Variants in ANO3 observed in about 807,000 individuals in gnomAD.
The protein encoded by ANO3 is anoctamin 3, also known as anoctamin-3.
ANO3 carries 99 observed loss-of-function variants against 144.8 expected under a neutral mutation model. The ratio of observed to expected loss-of-function variants is 0.68; its 90% CI spans 0.58 to 0.81. The LOEUF is 0.81. Among genes scored for constraint, ANO3 ranks in the 30% least tolerant of loss-of-function variants. ANO3 has a pLI of 0.00. For synonymous variants in ANO3, 414 were observed against 392.6 expected, an observed-to-expected ratio of 1.05 and a Z score of -0.64; for missense variants, 905 against 1,202.2, an observed-to-expected ratio of 0.75 and a Z score of 3.66.
intron 1 of ANO3, among the ~76,000 whole-genome samples, chr11:26,347,335 T>C (rs1285568734): frequency 6.6e-6 from 1 of 152,242 alleles, no homozygotes; most frequent in Non-Finnish European, 1.5e-5. Context: ...TTAACGTTTC[T>C]TGATTATCAA....
intron 14 of ANO3, chr11:26,563,353 A>C: frequency 7.7e-7 from 1 of 1,292,580 alleles, no homozygotes; most frequent in Non-Finnish European, 1.0e-6. Context: ...ATAACAAAGA[A>C]TGTTTAACAT....
chr11:26,376,595 C>T (rs1318797569), intron 1 of ANO3, among the ~76,000 whole-genome samples: 1 of 151,974 alleles, frequency 6.6e-6, no homozygotes, highest in East Asian at 1.9e-4. Flanking sequence ...TATTCGCACC[C>T]CTACCCGCTC....
intron 1 of ANO3, among the ~76,000 whole-genome samples, chr11:26,365,977 T>TTTTTTTTTTA (rs1856064214): frequency 4.1e-5 from 3 of 73,364 alleles, no homozygotes; most frequent in African/African-American, 1.2e-4. Flanking sequence ...TATATATATA[T>TTTTTTTTTTA]ATATATATAT....
In ANO3 at chr11:26,209,362, A is replaced by G. The variant is rs1283309555; in HGVS notation, c.154+20032A>G. The stretch of plus-strand genomic sequence containing the variant: ...GGCTGCAAAGTATTCCATTTTGTAT[A>G]TGTGCCACATTTTCTTTATTCAGTC... On this transcript the variant is annotated intron_variant, in intron 1 of 27. Coordinates refer to the ANO3 transcript ENST00000672621. 3.9e-5 allele frequency among the ~76,000 whole-genome samples: 6 copies of G among 152,252 alleles called. No homozygotes were observed. In the East Asian group the frequency reaches 1.2e-3, roughly 29 times the overall value.
At chr11:26,412,907 T>C (rs1489257852) in intron 1 of ANO3, among the ~76,000 whole-genome samples, 3 of 151,692 alleles carry the variant, frequency 2.0e-5, no homozygotes, top group Non-Finnish European at 4.4e-5. Flanking sequence ...GTGAATTGAA[T>C]ACCTGGTTTC....
At chr11:26,649,942 G>A (rs1046559207) in intron 24 of ANO3, among the ~76,000 whole-genome samples, 4 of 152,134 alleles carry the variant, frequency 2.6e-5, no homozygotes, top group Admixed American at 6.5e-5. Context: ...CTCTTCCATA[G>A]CATTATTTGC....
chr11:26,592,560 C>T (rs1180362414), intron 14 of ANO3, among the ~76,000 whole-genome samples: 1 of 149,982 alleles, frequency 6.7e-6, no homozygotes, highest in Admixed American at 6.7e-5. Flanking sequence ...TACTGAAATC[C>T]CTGAGATTTG....
At chr11:26,455,913 A>G (rs916737199) in intron 3 of ANO3, among the ~76,000 whole-genome samples, 1 of 151,910 alleles carries the variant, frequency 6.6e-6, no homozygotes, top group Admixed American at 6.6e-5. Flanking sequence ...CCTCAGAAAT[A>G]ATGCCATATA....
In ANO3 at chr11:26,256,647, T is replaced by C. The variant is rs999578605; in HGVS notation, c.155-52998T>C. ...CTTGAGATAATAAAAACAGCTGATA[T>C]AGTGGCTTAACAGGTTACATGAAAT... On this transcript the variant is annotated intron_variant, in intron 1 of 27. Transcript: ENST00000672621. 2.0e-5 allele frequency among the ~76,000 whole-genome samples: 3 copies of C among 152,136 alleles called. No individual in the cohort carries two copies. The South Asian group carries it at 6.2e-4, about 31-fold the overall frequency.
upstream of ANO3, chr11:26,331,943 A>G (rs909540144): frequency 1.1e-5 from 5 of 457,634 alleles, no homozygotes; most frequent in Admixed American, 7.0e-5. Context: ...GCTCCGATTT[A>G]TATCTCCTCC....
At chr11:26,256,627 G>A (rs549931480) in intron 1 of ANO3, among the ~76,000 whole-genome samples, 9 of 152,074 alleles carry the variant, frequency 5.9e-5, no homozygotes, top group African/African-American at 2.2e-4. Context: ...ATAAACTTGA[G>A]ATAATAAAAA....
chr11:26,571,751 C>T (rs1467029675), intron 14 of ANO3, among the ~76,000 whole-genome samples: 5 of 152,046 alleles, frequency 3.3e-5, no homozygotes, highest in Non-Finnish European at 5.9e-5. Flanking sequence ...TTCATAGTCA[C>T]GTATGTTTTA....
At chr11:26,348,181 T>C (rs1855543741) in intron 1 of ANO3, among the ~76,000 whole-genome samples, 1 of 152,200 alleles carries the variant, frequency 6.6e-6, no homozygotes, top group African/African-American at 2.4e-5. Context: ...CATCTGAAAT[T>C]ATCACCACTT....
rs141288299 is a variant in ANO3 at position 26,302,272 on chromosome 11, G to T, written c.155-7373G>T. On this transcript the variant is annotated intron_variant, in intron 1 of 27. Transcript: ENST00000672621. ...AGCACTTTGGGAGGCCGAGGCAGGT[G>T]GATCACGAGGTCAAGAGATTGAGAA... Among the ~76,000 whole-genome samples the T allele has an allele frequency of 2.3e-3, 357 of 152,288 alleles. 9 individuals carry two copies. In the East Asian group the frequency reaches 0.024, roughly 10 times the overall value.
intron 3 of ANO3, among the ~76,000 whole-genome samples, chr11:26,444,601 G>C (rs1243328778): frequency 6.6e-6 from 1 of 152,132 alleles, no homozygotes; most frequent in Non-Finnish European, 1.5e-5. Flanking sequence ...CACAGTTCCA[G>C]AAAATCAGTT....
chr11:26,339,399 C>A (rs1038179321), intron 1 of ANO3, among the ~76,000 whole-genome samples: 7 of 152,184 alleles, frequency 4.6e-5, no homozygotes, highest in Non-Finnish European at 7.3e-5. Flanking sequence ...GGCGATCCGC[C>A]TGCCTGGGCT....
At chr11:26,479,053 G>C (rs1243582190) in intron 4 of ANO3, among the ~76,000 whole-genome samples, 1 of 152,290 alleles carries the variant, frequency 6.6e-6, no homozygotes, top group East Asian at 1.9e-4. Context: ...GCAAAAACAA[G>C]CATCAGAATT....
chr11:26,487,608 T>G (rs541680686), intron 4 of ANO3, among the ~76,000 whole-genome samples: 7 of 152,118 alleles, frequency 4.6e-5, no homozygotes, highest in Admixed American at 3.9e-4. Context: ...TCCTAAAGAC[T>G]GGTTAAGTGG....
At chr11:26,476,266 A>C (rs551658435) in intron 4 of ANO3, among the ~76,000 whole-genome samples, 1 of 152,222 alleles carries the variant, frequency 6.6e-6, no homozygotes, top group Non-Finnish European at 1.5e-5. Context: ...ATCTATTTGA[A>C]GTTGTCCTAA....
Sources: allele counts gnomAD v4.1 joint callset (sites outside exome capture counted in the v4.1 genomes callset), GRCh38; gene constraint gnomAD v4.1.1; transcripts MANE v1.5; gene names NCBI Gene and HGNC (gene_info 2026-07-23, HGNC 2026-07-21).